The following ITIH5 variants were observed in gnomAD, a reference collection of about 807,000 sequenced individuals.
ITIH5 encodes inter-alpha-trypsin inhibitor heavy chain 5, also known as inter-alpha-trypsin inhibitor heavy chain H5.
Under a neutral mutation model 77.5 loss-of-function variants are expected in ITIH5, and 65 were observed. That is an observed-to-expected ratio of 0.84 (90% CI 0.69 to 1.03). The LOEUF is 1.03. ITIH5 is among the 50% of genes least tolerant of loss of function. The probability of loss-of-function intolerance (pLI) is 0.00; values close to 1 mark genes in which losing one functional copy is unlikely to be tolerated. For missense variants in ITIH5, 1,208 were observed against 1,213.1 expected, an observed-to-expected ratio of 1.00 and a Z score of 0.06; for synonymous variants, 525 against 494.3, an observed-to-expected ratio of 1.06 and a Z score of -0.82.
intron 1 of ITIH5, among the ~76,000 whole-genome samples, chr10:7,657,041 CTTTT>C (rs56737624): frequency 2.3e-4 from 23 of 99,862 alleles, no homozygotes; most frequent in Admixed American, 5.4e-4. Context: ...CGCGTTCGGC[CTTTT>C]TTTTTTTTTT....
chr10:7,588,573 T>C (rs1832728691), intron 7 of ITIH5, among the ~76,000 whole-genome samples: 1 of 152,190 alleles, frequency 6.6e-6, no homozygotes. Context: ...GCTAGTAAAC[T>C]AAGAGTTTCT....
In ITIH5 at chr10:7,611,580, G is replaced by A. The variant is rs543525925; in HGVS notation, c.939+4402C>T. Among the ~76,000 whole-genome samples the A allele has an allele frequency of 5.3e-5, 8 of 152,240 alleles. No homozygotes were observed. The East Asian group carries it at 1.5e-3, about 29-fold the overall frequency. On this transcript the variant is annotated intron_variant, in intron 7 of 13. Coordinates refer to ENST00000397146, the MANE Select transcript of ITIH5 (RefSeq NM_030569.7). ...GATGCATTTCTTTAATTACTAATAT[G>A]CTTGATGGTTTTTTCATAATTTTAT...
At chr10:7,571,851 T>C (rs1195439637) in intron 11 of ITIH5, 5 of 460,974 alleles carry the variant, frequency 1.1e-5, no homozygotes, top group Non-Finnish European at 1.4e-5. Context: ...TCAATACAGA[T>C]GCAATTCCTT....
At chr10:7,666,130 C>T (rs1333692571) in intron 1 of ITIH5, among the ~76,000 whole-genome samples, 1 of 152,164 alleles carries the variant, frequency 6.6e-6, no homozygotes, top group Non-Finnish European at 1.5e-5. Flanking sequence ...TTTGTGTGAA[C>T]CCGCTTCATA....
At chr10:7,665,240 A>G (rs1037068810) in intron 1 of ITIH5, among the ~76,000 whole-genome samples, 28 of 152,234 alleles carry the variant, frequency 1.8e-4, no homozygotes, top group Admixed American at 1.2e-3. Context: ...GGTATATGCT[A>G]GAGTTTAAAC....
chr10:7,576,661 C>T lies in ITIH5; in HGVS notation c.1770G>A (p.Leu590=). Residue 590 remains leucine, a synonymous_variant, in exon 10 of 14, where the codon CTG becomes CTA. Coordinates refer to ENST00000397146, the MANE Select transcript of ITIH5 (RefSeq NM_030569.7). ...LTTKELLSSW[L]QSDDEPEKER... ...CCTTCTCCGGTTCATCGTCACTTTG[C>T]AGCCAGGAGCTCAGCAGCTCCTTTG... 6.2e-7 allele frequency: 1 copy of T among 1,614,196 alleles called. No homozygotes were observed. Among genetic ancestry groups the T allele is most frequent in the South Asian group, 1.1e-5 (1 of 91,084 alleles).
At chr10:7,601,892 G>A (rs552173069) in intron 7 of ITIH5, among the ~76,000 whole-genome samples, 12 of 152,032 alleles carry the variant, frequency 7.9e-5, no homozygotes, top group East Asian at 3.9e-4. Flanking sequence ...TCCCTCTGTC[G>A]CCCAGGCTGG....
chr10:7,573,894 A>G (rs1159414377), intron 10 of ITIH5, among the ~76,000 whole-genome samples: 4 of 152,184 alleles, frequency 2.6e-5, no homozygotes, highest in African/African-American at 9.7e-5. Flanking sequence ...AGCATTTCAG[A>G]CGTGCAAGAT....
intron 11 of ITIH5, chr10:7,572,098 G>A: frequency 9.7e-7 from 1 of 1,036,178 alleles, no homozygotes; most frequent in Non-Finnish European, 1.2e-6. Flanking sequence ...AAGCTTTTCT[G>A]GCATTCCATA....
At chr10:7,595,622 G>A (rs1406922648) in intron 7 of ITIH5, among the ~76,000 whole-genome samples, 1 of 152,186 alleles carries the variant, frequency 6.6e-6, no homozygotes, top group African/African-American at 2.4e-5. Flanking sequence ...TATCTTAGAA[G>A]TCCATTCCAG....
intron 5 of ITIH5, among the ~76,000 whole-genome samples, chr10:7,623,614 T>C (rs1431492575): frequency 1.3e-5 from 2 of 151,680 alleles, no homozygotes; most frequent in African/African-American, 4.8e-5. Context: ...CCATCCTGGA[T>C]AACACGGTGA....
Position 7,640,795 on chromosome 10 carries a change from A to T in ITIH5, c.360T>A (p.Asp120Glu). The change falls in exon 4 of 14, where the codon GAT becomes GAA. Residue 120 changes from aspartate to glutamate, a missense_variant. Transcript: ENST00000397146. ...TTTTATTCCTTTTCTCTTTTACCCT[A>T]TCACCACTCTTCTTTTCTCTCTCTG... ...EITEREKKSG[D>E]RVKEKRNKTT... 1 of 1,613,224 alleles carries T rather than the reference A, an allele frequency of 6.2e-7. No homozygotes were observed. Among genetic ancestry groups the T allele is most frequent in the Non-Finnish European group, 8.5e-7 (1 of 1,179,228 alleles).
intron 12 of ITIH5, among the ~76,000 whole-genome samples, chr10:7,568,785 A>C (rs1294479702): frequency 6.6e-6 from 1 of 152,072 alleles, no homozygotes; most frequent in African/African-American, 2.4e-5. Flanking sequence ...TCTTTCACCC[A>C]AGCCCTCTAC....
At position 7,563,897 on chromosome 10, in the gene ITIH5, C is replaced by T. The variant is rs142143885; in HGVS notation, c.2528-513G>A. Reference sequence around the variant, plus strand: ...TAAAGAGCTGTGTCTGCAAGGGGAGCTCATGCTGGGCCGCCAGGCCCCACG... The same window carrying T: ...TAAAGAGCTGTGTCTGCAAGGGGAGTTCATGCTGGGCCGCCAGGCCCCACG... On this transcript the variant is annotated intron_variant, in intron 13 of 13. Transcript: ENST00000397146. Among the ~76,000 whole-genome samples, 65 of 152,392 alleles carry T rather than the reference C, an allele frequency of 4.3e-4. No individual in the cohort carries two copies. In the Middle Eastern group the frequency reaches 0.01, roughly 24 times the overall value.
chr10:7,617,667 T>C (rs75357403), intron 5 of ITIH5: 2,133 of 155,138 alleles, frequency 0.014, 27 homozygotes, highest in South Asian at 0.022. Flanking sequence ...CATCCATAAA[T>C]ACTCCAGTAT....
intron 13 of ITIH5, among the ~76,000 whole-genome samples, chr10:7,564,802 T>G (rs1247564977): frequency 4.0e-5 from 6 of 151,354 alleles, no homozygotes; most frequent in Admixed American, 1.3e-4. Flanking sequence ...ATACAGACTG[T>G]GTGTATATAT....
At chr10:7,591,982 C>T (rs906984362) in intron 7 of ITIH5, among the ~76,000 whole-genome samples, 11 of 152,184 alleles carry the variant, frequency 7.2e-5, no homozygotes, top group South Asian at 4.1e-4. Context: ...GCAATTCTCC[C>T]GCCTCAGCCT....
intron 1 of ITIH5, among the ~76,000 whole-genome samples, chr10:7,662,155 C>T (rs971026698): frequency 5.3e-5 from 8 of 152,106 alleles, no homozygotes; most frequent in Admixed American, 2.0e-4. Context: ...ATCAGGAGTT[C>T]GAGACCAGCC....
At chr10:7,619,669 G>C (rs1374016797) in intron 5 of ITIH5, 1 of 281,226 alleles carries the variant, frequency 3.6e-6, no homozygotes, top group Non-Finnish European at 7.7e-6. Context: ...CGGCAGGAGC[G>C]AGAGACAGAA....
Sources: gnomAD v4.1 joint callset for allele counts (sites outside exome capture counted in the v4.1 genomes callset) on GRCh38, gnomAD v4.1.1 for gene constraint, MANE v1.5 for transcripts, NCBI Gene and HGNC (gene_info 2026-07-23, HGNC 2026-07-21) for gene names.